TRAK1: variants seen among roughly 807,000 people sequenced by gnomAD.
The protein encoded by TRAK1 is trafficking kinesin-binding protein 1.
In TRAK1, 33 loss-of-function variants were observed where a neutral mutation model predicts 92.1. That is an observed-to-expected ratio of 0.36 (90% CI 0.27 to 0.48). The LOEUF is 0.48. Among genes scored for constraint, TRAK1 ranks in the 20% least tolerant of loss-of-function variants. The pLI is 0.99. For synonymous variants in TRAK1, 521 were observed against 517.3 expected, an observed-to-expected ratio of 1.01 and a Z score of -0.10; for missense variants, 1,123 against 1,257.9, an observed-to-expected ratio of 0.89 and a Z score of 1.62.
At chr3:42,153,908 T>G (rs1700238073) in intron 2 of TRAK1, among the ~76,000 whole-genome samples, 1 of 152,142 alleles carries the variant, frequency 6.6e-6, no homozygotes, top group African/African-American at 2.4e-5. Context: ...CCCGTGAAGG[T>G]AGAGGTTGAC....
chr3:42,199,144 T>C, intron 10 of TRAK1, 33 bp from the exon 11 acceptor site: 1 of 1,612,030 alleles, frequency 6.2e-7, no homozygotes, highest in South Asian at 1.1e-5. Flanking sequence ...GAATTGGCGC[T>C]CACTTGACAT....
intron 14 of TRAK1, chr3:42,217,983 G>C: frequency 3.0e-6 from 3 of 984,904 alleles, no homozygotes; most frequent in Non-Finnish European, 3.6e-6. Flanking sequence ...GCTTTGCCTG[G>C]AGCTCCCCAT....
At chr3:42,094,029 G>A (rs997678834) in intron 1 of TRAK1, among the ~76,000 whole-genome samples, 3 of 151,810 alleles carry the variant, frequency 2.0e-5, no homozygotes, top group African/African-American at 7.3e-5. Flanking sequence ...TGTATATAAT[G>A]TATCAATCTT....
At chr3:42,091,646 C>G (rs1427340897) in intron 1 of TRAK1, 86 bp downstream of exon 1, 2 of 1,342,536 alleles carry the variant, frequency 1.5e-6, no homozygotes, top group African/African-American at 1.5e-5. Flanking sequence ...GAAGCTGTCT[C>G]TCTCTTGCTC....
chr3:42,176,820 G>A lies in TRAK1; in HGVS notation c.293G>A (p.Cys98Tyr). ...TCATTTTTATTTCTTACAGTTTTAT[G>A]TGCTGAAAGAGTTGGCCAGATGACT... is the stretch of plus-strand genomic sequence containing the variant. ...IEETLKYFLLCAERVGQMTKT... is the reference protein window; with the variant it reads ...IEETLKYFLLYAERVGQMTKT... Residue 98 changes from cysteine (C) to tyrosine (Y), a missense_variant, in exon 3 of 16, where the codon TGT becomes TAT. Cys to Tyr is a radical substitution (Grantham distance 194, BLOSUM62 -2). Around this residue, in one of 3 missense-constraint regions of TRAK1, gnomAD observed 686 missense variants for 747.6 expected, o/e 0.92. Coordinates refer to ENST00000327628, the MANE Select transcript of TRAK1 (RefSeq NM_001042646.3). 1 of 1,613,782 alleles carries A rather than the reference G, an allele frequency of 6.2e-7. No individual in the cohort carries two copies.
intron 2 of TRAK1, among the ~76,000 whole-genome samples, chr3:42,131,902 T>TA (rs57140951): frequency 1.0e-3 from 137 of 137,658 alleles, no homozygotes; most frequent in East Asian, 4.9e-3. Context: ...TACAAAAAAT[T>TA]AAAAAAAAAA....
intron 9 of TRAK1, among the ~76,000 whole-genome samples, chr3:42,194,441 C>A (rs546716343): frequency 6.6e-6 from 1 of 151,406 alleles, no homozygotes; most frequent in Non-Finnish European, 1.5e-5. Flanking sequence ...TTTCCCATGT[C>A]GCCCAGGCTG....
intron 1 of TRAK1, among the ~76,000 whole-genome samples, chr3:42,103,670 AG>A (rs1339219654): frequency 6.6e-6 from 1 of 152,060 alleles, no homozygotes; most frequent in African/African-American, 2.4e-5. Context: ...CTGAAGTGGG[AG>A]GATCACTTGA....
intron 1 of TRAK1, among the ~76,000 whole-genome samples, chr3:42,016,938 T>C (rs1170774885): frequency 1.3e-5 from 2 of 152,198 alleles, no homozygotes; most frequent in African/African-American, 4.8e-5. Context: ...TCTTCACATA[T>C]ATGATTCTGT....
intron 1 of TRAK1, among the ~76,000 whole-genome samples, chr3:42,035,535 C>T (rs112656655): frequency 6.6e-5 from 10 of 152,356 alleles, no homozygotes; most frequent in African/African-American, 1.4e-4. Flanking sequence ...TGGAGGGCAC[C>T]GCTGTCCTCA....
At chr3:42,122,649 T>C (rs918419859) in intron 1 of TRAK1, among the ~76,000 whole-genome samples, 4 of 152,206 alleles carry the variant, frequency 2.6e-5, no homozygotes, top group African/African-American at 7.2e-5. Flanking sequence ...GGGAACTCAC[T>C]CTTTGCTTGA....
At chr3:42,014,049 A>AGGAAGCCCCCACCGAGGCCCCCCGGCACC (rs1701412438) in exon 1 of TRAK1, 1 of 149,758 alleles carries the variant, frequency 6.7e-6, no homozygotes, top group South Asian at 2.1e-4. Flanking sequence ...AACGACGCGG[A>AGGAAGCCCCCACCGAGGCCCCCCGGCACC]GGAAGCCCCC....
chr3:42,102,587 G>A (rs1414833445), intron 1 of TRAK1, among the ~76,000 whole-genome samples: 1 of 152,202 alleles, frequency 6.6e-6, no homozygotes, highest in African/African-American at 2.4e-5. Flanking sequence ...AAAGCAGGTT[G>A]CTGGTTCTCC....
At chr3:42,148,220 G>C (rs1440521644) in intron 2 of TRAK1, among the ~76,000 whole-genome samples, 1 of 152,124 alleles carries the variant, frequency 6.6e-6, no homozygotes, top group Admixed American at 6.5e-5. Flanking sequence ...TCACATCTTG[G>C]GGGTGGAGGG....
At chr3:42,188,904 G>C (rs568015421) in intron 5 of TRAK1, 112 bp from the exon 6 acceptor site, 1 of 731,930 alleles carries the variant, frequency 1.4e-6, no homozygotes, top group African/African-American at 1.7e-5. Flanking sequence ...TGGGAGAGCC[G>C]TCTGGTGGGT....
intron 5 of TRAK1, among the ~76,000 whole-genome samples, chr3:42,188,406 A>T (rs1024999922): frequency 1.3e-5 from 2 of 152,250 alleles, no homozygotes; most frequent in African/African-American, 4.8e-5. Flanking sequence ...GCCCTGGCAC[A>T]TTAATGGATA....
chr3:42,173,126 A>G (rs542983560), intron 2 of TRAK1, among the ~76,000 whole-genome samples: 67 of 152,320 alleles, frequency 4.4e-4, no homozygotes, highest in African/African-American at 1.6e-3. Context: ...AGCCTGGGCG[A>G]CAGAGCGAGA....
intron 3 of TRAK1, among the ~76,000 whole-genome samples, chr3:42,180,677 CAAAA>C (rs33959095): frequency 3.4e-5 from 3 of 87,114 alleles, no homozygotes; most frequent in East Asian, 3.1e-4. Context: ...AGACCTGTCT[CAAAA>C]AAAAAAAAAA....
At chr3:42,220,378 T>G in intron 15 of TRAK1, 1 of 663,386 alleles carries the variant, frequency 1.5e-6, no homozygotes, top group African/African-American at 2.0e-5. Context: ...CCTAACAGAG[T>G]AGAACGACCC....
Sources: gnomAD v4.1 joint callset for allele counts (sites outside exome capture counted in the v4.1 genomes callset) on GRCh38, gnomAD v4.1.1 for gene constraint, gnomAD v4.1.1 regional missense constraint, MANE v1.5 for transcripts, NCBI Gene and HGNC (gene_info 2026-07-23, HGNC 2026-07-21) for gene names.